HCRTR1: variants seen among roughly 807,000 people sequenced by gnomAD.
HCRTR1 encodes hypocretin receptor 1, also known as orexin/Hypocretin receptor type 1.
HCRTR1 carries 28 observed loss-of-function variants against 40.6 expected under a neutral mutation model. The observed-to-expected ratio is 0.69, with a 90% confidence interval of 0.51 to 0.95. The LOEUF (loss-of-function observed/expected upper bound fraction) is 0.95. HCRTR1 is among the 40% of genes least tolerant of loss of function. HCRTR1 has a pLI of 0.00. For missense variants in HCRTR1, 482 were observed against 564.7 expected (o/e 0.85, Z 1.48); for synonymous variants, 209 against 230.0 (o/e 0.91, Z 0.83).
chr1:31,633,152 G>GTCTCC, downstream of HCRTR1: 1 of 1,612,120 alleles, frequency 6.2e-7, no homozygotes, highest in Admixed American at 1.7e-5. Context: ...GCAAGGCGGA[G>GTCTCC]ACTCACTTAT....
At chr1:31,629,515 T>C (rs541666888), downstream of HCRTR1, among the ~76,000 whole-genome samples, 1 of 152,278 alleles carries the variant, frequency 6.6e-6, no homozygotes, top group East Asian at 1.9e-4. Flanking sequence ...CGTTATGACT[T>C]AATAAATGGA....
chr1:31,627,401 AC>A lies in HCRTR1; in HGVS notation c.*422del. The stretch of plus-strand genomic sequence containing the variant: ...ATGGCTCCCTGAAGCCCAGGGCTGC[AC>A]TTGGCCAGCTGTTCTGATGCCTGTG... On this transcript the variant is annotated 3_prime_UTR_variant, in exon 9 of 9. Transcript: ENST00000403528. 1 of 1,258,972 alleles carries A rather than the reference AC, an allele frequency of 7.9e-7. No individual in the cohort carries two copies. The highest frequency in any genetic ancestry group is 1.0e-6 in the Non-Finnish European group (1 of 959,732). The allele number at this position is 1,258,972 out of a possible 1,614,324, so 78.0% of individuals were successfully genotyped here.
intron 1 of HCRTR1, among the ~76,000 whole-genome samples, chr1:31,618,355 G>A (rs989323488): frequency 4.6e-5 from 7 of 152,236 alleles, no homozygotes; most frequent in African/African-American, 1.7e-4. Context: ...GGACCCAAAG[G>A]GGCCTCTTAG....
At chr1:31,622,746 C>T (rs1169925719) in intron 6 of HCRTR1, among the ~76,000 whole-genome samples, 1 of 152,156 alleles carries the variant, frequency 6.6e-6, no homozygotes, top group Non-Finnish European at 1.5e-5. Context: ...CCACCCCAGG[C>T]TTATGGGCAC....
chr1:31,627,804 C>T (rs1344763333), downstream of HCRTR1, among the ~76,000 whole-genome samples: 3 of 152,164 alleles, frequency 2.0e-5, no homozygotes, highest in Non-Finnish European at 2.9e-5. Flanking sequence ...CCTCCTCATG[C>T]GGTGCCAATC....
chr1:31,618,953 G>A, intron 2 of HCRTR1, 98 bp from the exon 3 acceptor site: 1 of 548,812 alleles, frequency 1.8e-6, no homozygotes, highest in Non-Finnish European at 3.3e-6. Context: ...ATGACTGTGA[G>A]AATTAAGAGG....
chr1:31,632,476 C>T, downstream of HCRTR1: 3 of 1,614,244 alleles, frequency 1.9e-6, no homozygotes, highest in South Asian at 3.3e-5. Flanking sequence ...GCCCATCGTG[C>T]CCCGGCCATG....
chr1:31,624,362 G>C (rs1300722376), intron 7 of HCRTR1, among the ~76,000 whole-genome samples: 1 of 149,032 alleles, frequency 6.7e-6, no homozygotes, highest in African/African-American at 2.5e-5. Flanking sequence ...AGACTGAGGT[G>C]GAAGAATAGC....
chr1:31,634,214 G>C (rs1477906861), downstream of HCRTR1, among the ~76,000 whole-genome samples: 1 of 152,202 alleles, frequency 6.6e-6, no homozygotes, highest in Non-Finnish European at 1.5e-5. Context: ...TAAAACATCG[G>C]TGTCATAGGG....
Position 31,626,968 on chromosome 1 carries a change from A to AT in HCRTR1, c.1266_1267insT (p.Val423CysfsTer42), listed in dbSNP as rs1639992604. 1 of 1,612,234 alleles carries AT rather than the reference A, an allele frequency of 6.2e-7. No homozygotes were observed. Among genetic ancestry groups the AT allele is most frequent in the African/African-American group, 1.3e-5 (1 of 74,934 alleles). ...ATGTGGTGCTCACCAGCGTCACCACAGTGCTGCCCTGAGCGAGGGCTGCCC... is the reference window on the plus strand; with the variant it reads ...ATGTGGTGCTCACCAGCGTCACCACATGTGCTGCCCTGAGCGAGGGCTGCCC... On this transcript the variant is annotated frameshift_variant, in exon 9 of 9. Transcript: ENST00000403528. LOFTEE classifies it high-confidence loss of function. This position sits in a 1 kb window ranked among gnomAD's most constrained non-coding sequence, Gnocchi z 4.6.
chr1:31,630,430 C>T (rs953331710), downstream of HCRTR1: 9 of 652,910 alleles, frequency 1.4e-5, no homozygotes, highest in East Asian at 1.9e-4. Flanking sequence ...GCCTCAGCCC[C>T]GGTCCTCACT....
In HCRTR1 at chr1:31,625,974, G is replaced by T. The variant is rs1639968538; in HGVS notation, c.1088-816G>T. On this transcript the variant is annotated intron_variant, in intron 8 of 8. Coordinates refer to ENST00000403528, the MANE Select transcript of HCRTR1 (RefSeq NM_001525.3). This position sits in a 1 kb window ranked among gnomAD's most constrained non-coding sequence, Gnocchi z 4.2. ...GGCTGCGGGTTTCCAGGTCAGAAAA[G>T]AGAATAGATGATGAGCTGTGTGGGG... 1.3e-5 allele frequency among the ~76,000 whole-genome samples: 2 copies of T among 152,220 alleles called. No individual in the cohort carries two copies. The highest frequency in any genetic ancestry group is 1.3e-4 in the Admixed American group (2 of 15,286).
chr1:31,624,562 C>G (rs569828183), intron 7 of HCRTR1, among the ~76,000 whole-genome samples: 1 of 151,508 alleles, frequency 6.6e-6, no homozygotes, highest in Admixed American at 6.6e-5. Flanking sequence ...CAAAGAGGGT[C>G]GCAGGGCGCT....
downstream of HCRTR1, among the ~76,000 whole-genome samples, chr1:31,632,891 C>G (rs1339291689): frequency 1.3e-5 from 2 of 152,204 alleles, no homozygotes; most frequent in Non-Finnish European, 2.9e-5. Context: ...TGACCCCTCC[C>G]TGCTGTTTCC....
intron 6 of HCRTR1, among the ~76,000 whole-genome samples, chr1:31,621,822 A>G (rs1204599800): frequency 6.6e-6 from 1 of 152,232 alleles, no homozygotes; most frequent in South Asian, 2.1e-4. Context: ...CGTTTATTGA[A>G]GTATCCACTC....
rs1570259544 is a variant in HCRTR1, at chr1:31,627,173, G to A, written c.*193G>A. 3.5e-6 allele frequency: 5 copies of A among 1,447,718 alleles called. No homozygotes were observed. The highest frequency in any genetic ancestry group is 5.0e-5 in the East Asian group (2 of 40,336). The allele number at this position is 1,447,718 out of a possible 1,614,324, so 89.7% of individuals were successfully genotyped here. A position where few individuals can be genotyped will look rare whatever the true frequency, so the allele number is the denominator to read the frequency against. ...GTGAGGATTAAGCATGCTGAAGCAA[G>A]TGGAAAGCTCCTTGTAAACTGTGAA... On this transcript the variant is annotated 3_prime_UTR_variant, in exon 9 of 9. Coordinates refer to ENST00000403528, the MANE Select transcript of HCRTR1 (RefSeq NM_001525.3).
chr1:31,632,258 C>G, downstream of HCRTR1: 1 of 713,764 alleles, frequency 1.4e-6, no homozygotes, highest in Non-Finnish European at 2.5e-6. Context: ...CCGTCTCACC[C>G]AGCACTCCAG....
chr1:31,627,148 G>A lies in HCRTR1; in HGVS notation c.*168G>A. The stretch of plus-strand genomic sequence containing the variant: ...CTTGTGTCCCCTAAGCAGGGTTGAT[G>A]TGAGGATTAAGCATGCTGAAGCAAG... On this transcript the variant is annotated 3_prime_UTR_variant, in exon 9 of 9. Transcript: ENST00000403528. 7.1e-7 allele frequency: 1 copy of A among 1,416,978 alleles called. No homozygotes were observed. Among genetic ancestry groups the A allele is most frequent in the Non-Finnish European group, 9.4e-7 (1 of 1,062,626 alleles). 87.8% of individuals were successfully genotyped at this position (1,416,978 alleles called of 1,614,324 possible). A position where few individuals can be genotyped will look rare whatever the true frequency, so the allele number is the denominator to read the frequency against.
rs1639792208 is a variant in HCRTR1 at position 31,619,111 on chromosome 1, G to C, written c.-82G>C. 8.1e-7 allele frequency: 1 copy of C among 1,239,600 alleles called. No individual in the cohort carries two copies. Among genetic ancestry groups the C allele is most frequent in the African/African-American group, 1.5e-5 (1 of 67,406 alleles). The allele number at this position is 1,239,600 out of a possible 1,614,324, so 76.8% of individuals were successfully genotyped here. A position where few individuals can be genotyped will look rare whatever the true frequency, so the allele number is the denominator to read the frequency against. ...CAAGCCTCCAGGCACCCTGAAGGGA[G>C]TGGGCTGAGGGCTGGCCCAAGCTCC... On this transcript the variant is annotated 5_prime_UTR_variant, in exon 3 of 9. Transcript: ENST00000403528.
Sources: allele counts gnomAD v4.1 joint callset (sites outside exome capture counted in the v4.1 genomes callset), GRCh38; gene constraint gnomAD v4.1.1; non-coding constraint Gnocchi (gnomAD v3.1); transcripts MANE v1.5; gene names NCBI Gene and HGNC (gene_info 2026-07-23, HGNC 2026-07-21).